Variants in SCML4 observed in about 807,000 individuals in gnomAD.
The protein encoded by SCML4 is sex comb on midleg-like protein 4.
In SCML4, 34 loss-of-function variants were observed where a neutral mutation model predicts 41.1. That is an observed-to-expected ratio of 0.83 (90% CI 0.63 to 1.10). The LOEUF is 1.10. SCML4 is among the 50% of genes least tolerant of loss of function. SCML4 has a pLI of 0.00. For missense variants in SCML4, 522 were observed against 534.1 expected, an observed-to-expected ratio of 0.98 and a Z score of 0.22; for synonymous variants, 214 against 220.9, an observed-to-expected ratio of 0.97 and a Z score of 0.28.
chr6:107,763,758 A>C (rs1779811263), intron 2 of SCML4, among the ~76,000 whole-genome samples: 1 of 152,230 alleles, frequency 6.6e-6, no homozygotes, highest in Admixed American at 6.5e-5. Flanking sequence ...GTGAGGACAC[A>C]GTAAGAAGGC....
At chr6:107,813,090 T>C (rs34014035) in intron 1 of SCML4, among the ~76,000 whole-genome samples, 63,102 of 151,598 alleles carry the variant, frequency 0.42, 16,130 homozygotes, top group East Asian at 0.7. Context: ...AGGCTGGGCA[T>C]GGTGGCTCAT....
At chr6:107,771,563 A>G (rs1780520871) in intron 2 of SCML4, among the ~76,000 whole-genome samples, 1 of 152,182 alleles carries the variant, frequency 6.6e-6, no homozygotes. Flanking sequence ...GCTAATTCTT[A>G]TAAGGGTCAC....
chr6:107,705,060 G>A lies in SCML4; in HGVS notation c.*140C>T. 1.2e-6 allele frequency: 1 copy of A among 821,882 alleles called. No individual in the cohort carries two copies. Among genetic ancestry groups the A allele is most frequent in the Non-Finnish European group, 2.0e-6 (1 of 508,186 alleles). The allele number at this position is 821,882 out of a possible 1,614,324, so 50.9% of individuals were successfully genotyped here. On this transcript the variant is annotated 3_prime_UTR_variant, in exon 8 of 8. Transcript: ENST00000369020. ...TTCTTCAAAAGGCAAAGATTCACAA[G>A]TTTTATAAAAAGACCACGTCTCTGT...
intron 5 of SCML4, among the ~76,000 whole-genome samples, chr6:107,726,970 C>T (rs566883136): frequency 6.6e-6 from 1 of 152,174 alleles, no homozygotes; most frequent in Admixed American, 6.5e-5. Flanking sequence ...TACAGCAGCC[C>T]TATTCATAAT....
In SCML4 at chr6:107,746,845, C is replaced by T; in HGVS notation, c.331G>A (p.Glu111Lys). The T allele has an allele frequency of 6.2e-7, 1 of 1,614,024 alleles. No homozygotes were observed. Among genetic ancestry groups the T allele is most frequent in the East Asian group, 2.2e-5 (1 of 44,884 alleles). ...GGGAGCTGCTGCACCTTCTTCCTCTCCAGATAGGGCCCCGCATTGGCCTGC... is the reference window on the plus strand; with the variant it reads ...GGGAGCTGCTGCACCTTCTTCCTCTTCAGATAGGGCCCCGCATTGGCCTGC... The part of the protein sequence containing the change: ...NKQANAGPYL[E>K]RKKVQQLPEH... Residue 111 changes from glutamate to lysine, a missense_variant, in exon 4 of 8, where the codon GAG becomes AAG. Transcript: ENST00000369020.
the SCML4 span, among the ~76,000 whole-genome samples, chr6:107,833,818 T>C: frequency 1.3e-5 from 2 of 152,244 alleles, no homozygotes; most frequent in Non-Finnish European, 2.9e-5. Flanking sequence ...GCAGGGATTC[T>C]GGCTTGACCA....
intron 3 of SCML4, 29 bp from the exon 4 acceptor site, chr6:107,746,918 G>GGCATCAGGCGC: frequency 6.3e-7 from 1 of 1,583,174 alleles, no homozygotes; most frequent in Non-Finnish European, 8.6e-7. Context: ...CAAAGCCCTC[G>GGCATCAGGCGC]GCATCAGGCG....
chr6:107,774,674 G>A (rs554044481), intron 1 of SCML4, among the ~76,000 whole-genome samples: 2 of 151,952 alleles, frequency 1.3e-5, no homozygotes, highest in East Asian at 3.9e-4. Context: ...TGTCTTTACT[G>A]AGGAGTAAAG....
Position 107,720,809 on chromosome 6 carries a change from A to G in SCML4, c.867T>C (p.Gly289=), listed in dbSNP as rs1476160133. The part of the protein sequence containing the change: ...LGGGPAATAG[G]PRTSPMSSGG... ...CAGAAGACATGGGGCTAGTGCGGGG[A>G]CCACCAGCGGTGGCAGCAGGACCAC... is the stretch of plus-strand genomic sequence containing the variant. The change falls in exon 6 of 8, where the codon GGT becomes GGC. Residue 289 remains glycine, a synonymous_variant. Coordinates refer to ENST00000369020, the MANE Select transcript of SCML4 (RefSeq NM_198081.5). 3 of 1,613,898 alleles carry G rather than the reference A, an allele frequency of 1.9e-6. No homozygotes were observed. The Admixed American group carries it at 5.0e-5, about 27-fold the overall frequency.
Position 107,754,418 on chromosome 6 carries a change from C to T in SCML4, c.157-4605G>A, listed in dbSNP as rs150475191. On this transcript the variant is annotated intron_variant, in intron 2 of 7. Coordinates refer to ENST00000369020, the MANE Select transcript of SCML4 (RefSeq NM_198081.5). ...CCAAGTGTCATGAGGGTGGCGGCTG[C>T]CATGCCTATTTATGGAGGCCATGCA... is the stretch of plus-strand genomic sequence containing the variant. 5.2e-3 allele frequency among the ~76,000 whole-genome samples: 789 copies of T among 152,274 alleles called. 3 individuals carry two copies. The highest frequency in any genetic ancestry group is 0.01 in the Middle Eastern group (3 of 294).
intron 5 of SCML4, among the ~76,000 whole-genome samples, chr6:107,732,805 C>T (rs1431817193): frequency 2.0e-5 from 3 of 152,126 alleles, no homozygotes; most frequent in African/African-American, 7.2e-5. Flanking sequence ...CTCCACAGCC[C>T]CCACAATTTT....
Position 107,749,630 on chromosome 6 carries a change from C to T in SCML4, c.286+54G>A, listed in dbSNP as rs79393866. On this transcript the variant is annotated intron_variant, in intron 3 of 7. Coordinates refer to ENST00000369020, the MANE Select transcript of SCML4 (RefSeq NM_198081.5). ...CCACAAAGTAACAATTAGATGGTAG[C>T]TGCCCTGTTCTCTACAGACCATCAC... The T allele has an allele frequency of 4.0e-3, 6,308 of 1,593,508 alleles. 112 individuals are homozygous for T. In the East Asian group the frequency reaches 0.061, roughly 15 times the overall value.
In SCML4 at chr6:107,712,373, G is replaced by C. The variant is rs550334813; in HGVS notation, c.974-4362C>G. ...TTCACAGGAACCTAGAGTCCTTTGAGCTAGGTCAGGGAAACACTTTCCCTT... is the reference window on the plus strand; with the variant it reads ...TTCACAGGAACCTAGAGTCCTTTGACCTAGGTCAGGGAAACACTTTCCCTT... On this transcript the variant is annotated intron_variant, in intron 6 of 7. Transcript: ENST00000369020. 1.2e-3 allele frequency among the ~76,000 whole-genome samples: 182 copies of C among 152,292 alleles called. 1 individual carries two copies. The highest frequency in any genetic ancestry group is 4.3e-3 in the African/African-American group (179 of 41,566).
chr6:107,779,421 C>A (rs909665602), intron 1 of SCML4, among the ~76,000 whole-genome samples: 1 of 152,098 alleles, frequency 6.6e-6, no homozygotes, highest in African/African-American at 2.4e-5. Flanking sequence ...AAGATAGAGG[C>A]ACAGGGCTGG....
intron 5 of SCML4, among the ~76,000 whole-genome samples, chr6:107,738,797 G>A (rs73762055): frequency 0.011 from 1,692 of 152,042 alleles, 32 homozygotes; most frequent in African/African-American, 0.039. Flanking sequence ...CTGCCCTCCC[G>A]CTGTACAGGG....
rs1676259976 is a variant in SCML4, at chr6:107,705,211, C to T, written c.1234G>A (p.Ala412Thr). 1 of 1,551,666 alleles carries T rather than the reference C, an allele frequency of 6.4e-7. No individual in the cohort carries two copies. The change falls in exon 8 of 8, where the codon GCC (alanine) becomes ACC (threonine). Residue 412 changes from alanine to threonine, a missense_variant. Physicochemically the swap from Ala to Thr is moderately conservative, Grantham distance 58. Transcript: ENST00000369020. ...TCTTTTTAAAAAAGTCAGAACTTGGCTTGCTTCAGTTTGTCAATGTGGTAG... is the reference window on the plus strand; with the variant it reads ...TCTTTTTAAAAAAGTCAGAACTTGGTTTGCTTCAGTTTGTCAATGTGGTAG... The part of the protein sequence containing the change: ...LCYHIDKLKQ[A>T]KF
intron 3 of SCML4, among the ~76,000 whole-genome samples, chr6:107,748,576 A>G (rs1048882686): frequency 6.6e-6 from 1 of 152,222 alleles, no homozygotes; most frequent in Non-Finnish European, 1.5e-5. Flanking sequence ...ACACTCTGGT[A>G]GAGTCCAGGT....
chr6:107,768,864 A>G (rs1303176200), intron 2 of SCML4, among the ~76,000 whole-genome samples: 2 of 152,240 alleles, frequency 1.3e-5, no homozygotes, highest in Non-Finnish European at 2.9e-5. Flanking sequence ...GAAGACACAG[A>G]AGATTGAAAT....
chr6:107,715,368 C>T (rs1039573394), intron 6 of SCML4, among the ~76,000 whole-genome samples: 5 of 149,390 alleles, frequency 3.3e-5, no homozygotes, highest in African/African-American at 1.3e-4. Context: ...CTTTTTCTAG[C>T]TAAATTGTCT....
Sources: gnomAD v4.1 joint callset for allele counts (sites outside exome capture counted in the v4.1 genomes callset) on GRCh38, gnomAD v4.1.1 for gene constraint, MANE v1.5 for transcripts, NCBI Gene and HGNC (gene_info 2026-07-23, HGNC 2026-07-21) for gene names.